CHD8: variants seen among roughly 807,000 people sequenced by gnomAD.
CHD8 encodes ATP-dependent chromatin remodeler CHD8.
CHD8 carries 31 observed loss-of-function variants against 279.2 expected under a neutral mutation model. The ratio of observed to expected loss-of-function variants is 0.11; its 90% CI spans 0.08 to 0.15. CHD8 has a LOEUF of 0.15. Ranked by LOEUF, CHD8 falls within the 10% of genes least tolerant of loss-of-function variation. The pLI, the probability that CHD8 is intolerant of heterozygous loss-of-function variation, is 1.00. For missense variants in CHD8, 2,146 were observed against 3,230.5 expected (o/e 0.66, Z 8.14); for synonymous variants, 1,081 against 1,139.6 (o/e 0.95, Z 1.04).
At position 21,393,205 on chromosome 14, in the gene CHD8, G is replaced by A. The variant is rs1428055514; in HGVS notation, c.6369C>T (p.Leu2123=). ...TTGGGAATCCATCTTGGGACATAGT[G>A]AGGGACAGGAGACTCTCTTCATCAT... ...KLYDEESLLS[L]TMSQDGFPNE... is the part of the protein sequence containing the mutation. The change falls in exon 33 of 38, where the codon CTC becomes CTT. Residue 2123 remains leucine (L), a synonymous_variant. Coordinates refer to ENST00000646647, the MANE Select transcript of CHD8 (RefSeq NM_001170629.2). 1 of 1,613,972 alleles carries A rather than the reference G, an allele frequency of 6.2e-7. No homozygotes were observed. The highest frequency in any genetic ancestry group is 8.5e-7 in the Non-Finnish European group (1 of 1,179,872).
At position 21,426,114 on chromosome 14, in the gene CHD8, T is replaced by C. The variant is rs780809543; in HGVS notation, c.1716+14A>G. ...CATGGTTTTTTCTACTAAATTCTTT[T>C]GGGATCCTTTTACCTGAATGCTGCT... On this transcript the variant is annotated intron_variant, in intron 5 of 37. Transcript: ENST00000646647. The C allele has an allele frequency of 2.0e-6, 3 of 1,477,328 alleles. No homozygotes were observed. The African/African-American group carries it at 4.2e-5, about 21-fold the overall frequency. 91.5% of individuals were successfully genotyped at this position (1,477,328 alleles called of 1,614,324 possible). A position where few individuals can be genotyped will look rare whatever the true frequency, so the allele number is the denominator to read the frequency against.
At chr14:21,414,008 CAAAG>C (rs1888617071) in intron 9 of CHD8, 2 of 273,756 alleles carry the variant, frequency 7.3e-6, no homozygotes, top group Non-Finnish European at 1.4e-5. Flanking sequence ...TAAAGAAAGA[CAAAG>C]AATGCCTCAA....
In CHD8 at chr14:21,431,696, G is replaced by A. The variant is rs938495101; in HGVS notation, c.-53C>T. 4.4e-6 allele frequency: 7 copies of A among 1,594,964 alleles called. No individual in the cohort carries two copies. Among genetic ancestry groups the A allele is most frequent in the Non-Finnish European group, 6.0e-6 (7 of 1,170,836 alleles). ...CCAAGGTCTAGGGAGGGAAGGGGAG[G>A]GGGGGTACTGGCTCTCCCCTCCCCT... On this transcript the variant is annotated 5_prime_UTR_variant, in exon 2 of 38. Coordinates refer to ENST00000646647, the MANE Select transcript of CHD8 (RefSeq NM_001170629.2).
At position 21,402,566 on chromosome 14, in the gene CHD8, TA is replaced by T; in HGVS notation, c.3715-64del. 7.0e-7 allele frequency: 1 copy of T among 1,431,832 alleles called. No individual in the cohort carries two copies. Among genetic ancestry groups the T allele is most frequent in the Non-Finnish European group, 9.4e-7 (1 of 1,066,558 alleles). The allele number at this position is 1,431,832 out of a possible 1,614,324, so 88.7% of individuals were successfully genotyped here. On this transcript the variant is annotated intron_variant, in intron 18 of 37. Transcript: ENST00000646647. This position sits in a 1 kb window ranked among gnomAD's most constrained non-coding sequence, Gnocchi z 4.5. Reference sequence around the variant, plus strand: ...ATCATAAAATTAGCAAGGGAAAGGATACAAAATACCAATTTATGATTCTTTC... The same window carrying T: ...ATCATAAAATTAGCAAGGGAAAGGATCAAAATACCAATTTATGATTCTTTC...
At position 21,400,606 on chromosome 14, in the gene CHD8, T is replaced by C; in HGVS notation, c.4377A>G (p.Gly1459=). The C allele has an allele frequency of 6.4e-7, 1 of 1,572,414 alleles. No homozygotes were observed. Among genetic ancestry groups the C allele is most frequent in the Non-Finnish European group, 8.6e-7 (1 of 1,167,168 alleles). The change falls in exon 23 of 38, where the codon GGA becomes GGG. Residue 1459 remains glycine (G), a synonymous_variant. Transcript: ENST00000646647. This position sits in a 1 kb window ranked among gnomAD's most constrained non-coding sequence, Gnocchi z 4.2. The stretch of plus-strand genomic sequence containing the variant: ...CATGAGATAAAATATCTCGCCATCG[T>C]CCCCAACTAAAAAACAGAAAACTAT... ...VEKHLLVYGW[G]RWRDILSHGR...
intron 1 of CHD8, among the ~76,000 whole-genome samples, chr14:21,446,492 G>A (rs1464456298): frequency 6.6e-6 from 1 of 152,166 alleles, no homozygotes; most frequent in African/African-American, 2.4e-5. Context: ...TGCATTTTTG[G>A]TAGAGACGGG....
At chr14:21,450,520 T>C (rs1890232113) in intron 1 of CHD8, among the ~76,000 whole-genome samples, 1 of 152,078 alleles carries the variant, frequency 6.6e-6, no homozygotes, top group Non-Finnish European at 1.5e-5. Context: ...CACTGTGATA[T>C]GGGCCGGCCT....
chr14:21,428,903 C>G (rs1014327548), intron 3 of CHD8, 61 bp downstream of exon 3: 1 of 1,534,110 alleles, frequency 6.5e-7, no homozygotes, highest in Non-Finnish European at 8.9e-7. Flanking sequence ...TTGCTGAGGG[C>G]AACAGCAATG....
Position 21,403,113 on chromosome 14 carries a change from T to G in CHD8, c.3618A>C (p.Leu1206Phe). The G allele has an allele frequency of 6.2e-7, 1 of 1,613,996 alleles. No homozygotes were observed. The highest frequency in any genetic ancestry group is 8.5e-7 in the Non-Finnish European group (1 of 1,179,886). Residue 1206 changes from leucine (L) to phenylalanine (F), a missense_variant, in exon 18 of 38, where the codon TTA (leucine) becomes TTC (phenylalanine). Coordinates refer to ENST00000646647, the MANE Select transcript of CHD8 (RefSeq NM_001170629.2). This position sits in a 1 kb window ranked among gnomAD's most constrained non-coding sequence, Gnocchi z 4.3. ...SKPDSDRFVF[L>F]LCTRAGGLGI... ...CAAGTCCACCAGCCCGGGTACACAG[T>G]AAGAAGACAAAGCGGTCTGAGTCAG...
chr14:21,409,820 G>C, intron 11 of CHD8, 31 bp downstream of exon 11: 2 of 1,576,914 alleles, frequency 1.3e-6, no homozygotes, highest in East Asian at 4.5e-5. Flanking sequence ...TTCTTATGTA[G>C]GCCTTTATAC....
chr14:21,412,765 TA>T (rs1356315636), intron 10 of CHD8, 147 bp downstream of exon 10: 18 of 641,896 alleles, frequency 2.8e-5, no homozygotes, highest in Non-Finnish European at 4.8e-5. Flanking sequence ...TACCTCCCAT[TA>T]TCTTTCAAAG....
Position 21,428,134 on chromosome 14 carries a change from T to C in CHD8, c.1336A>G (p.Met446Val), listed in dbSNP as rs1889406085. ...SAPHSGGKTG[M>V]EENRRLEHQK... is the part of the protein sequence containing the mutation. ...TGTTCCAATCTGCGGTTTTCCTCCA[T>C]TCCTGTCTTTCCCCCCGAATGAGGA... The change falls in exon 4 of 38, where the codon ATG becomes GTG. Residue 446 changes from methionine to valine, a missense_variant. By Grantham distance (21) the Met-to-Val change is conservative. Transcript: ENST00000646647. 2.5e-6 allele frequency: 4 copies of C among 1,614,042 alleles called. No individual in the cohort carries two copies. The highest frequency in any genetic ancestry group is 3.4e-6 in the Non-Finnish European group (4 of 1,179,908).
At chr14:21,412,299 C>T (rs1888532924) in intron 10 of CHD8, among the ~76,000 whole-genome samples, 1 of 151,950 alleles carries the variant, frequency 6.6e-6, no homozygotes, top group Non-Finnish European at 1.5e-5. Context: ...GCACGTGCCA[C>T]CACACCTGGC....
intron 37 of CHD8, among the ~76,000 whole-genome samples, chr14:21,388,296 C>G (rs985892774): frequency 6.6e-6 from 1 of 152,140 alleles, no homozygotes; most frequent in Non-Finnish European, 1.5e-5. Flanking sequence ...ATTCAACCAT[C>G]TGTGGATTGA....
intron 11 of CHD8, 89 bp downstream of exon 11, chr14:21,409,762 A>G: frequency 8.0e-7 from 1 of 1,257,460 alleles, no homozygotes; most frequent in South Asian, 1.5e-5. Context: ...TTTCCATAAT[A>G]AAAAGCTAAA....
chr14:21,399,829 T>G (rs1887953170), intron 25 of CHD8, 124 bp from the exon 26 acceptor site: 11 of 928,792 alleles, frequency 1.2e-5, no homozygotes, highest in Non-Finnish European at 1.6e-5. Context: ...TCTACCCTAT[T>G]TCCTCCCACT....
chr14:21,385,911 G>C lies in CHD8; in HGVS notation c.7448C>G (p.Ser2483Cys). ...MPFVMGGAPSSPHVDSSTMLH... is the reference protein window; with the variant it reads ...MPFVMGGAPSCPHVDSSTMLH... ...CATGGTGCTGGAGTCTACATGAGGG[G>C]ATGATGGTGCACCACCCATCACAAA... is the stretch of plus-strand genomic sequence containing the variant. Residue 2483 changes from serine to cysteine, a missense_variant, in exon 38 of 38, where the codon TCC (serine) becomes TGC (cysteine). Transcript: ENST00000646647. 6.4e-7 allele frequency: 1 copy of C among 1,552,452 alleles called. No homozygotes were observed. The highest frequency in any genetic ancestry group is 8.7e-7 in the Non-Finnish European group (1 of 1,147,452).
chr14:21,446,998 T>C (rs937572301), intron 1 of CHD8, among the ~76,000 whole-genome samples: 2 of 152,246 alleles, frequency 1.3e-5, no homozygotes, highest in Non-Finnish European at 2.9e-5. Context: ...GGGCATTCAA[T>C]GTATTTTTGT....
intron 2 of CHD8, chr14:21,429,568 A>T: frequency 3.1e-6 from 2 of 641,184 alleles, no homozygotes; most frequent in Non-Finnish European, 5.8e-6. Context: ...CAGGCACAAC[A>T]CTACTGCTGA....
Sources: allele counts gnomAD v4.1 joint callset (sites outside exome capture counted in the v4.1 genomes callset), GRCh38; gene constraint gnomAD v4.1.1; non-coding constraint Gnocchi (gnomAD v3.1); transcripts MANE v1.5; gene names NCBI Gene and HGNC (gene_info 2026-07-23, HGNC 2026-07-21).